Variants in ALPK1 observed in about 807,000 individuals in gnomAD.
ALPK1 encodes the protein alpha kinase 1.
A neutral mutation model predicts 120.6 loss-of-function variants in ALPK1; 110 were observed. That is an observed-to-expected ratio of 0.91 (90% CI 0.78 to 1.07). The LOEUF is 1.07. ALPK1 is among the 50% of genes least tolerant of loss of function. The pLI is 0.00. For missense variants in ALPK1, 1,498 were observed against 1,483.9 expected (o/e 1.01, Z -0.16); for synonymous variants, 582 against 560.3 (o/e 1.04, Z -0.55).
At chr4:112,408,477 T>C (rs1294054814) in intron 4 of ALPK1, among the ~76,000 whole-genome samples, 1 of 151,924 alleles carries the variant, frequency 6.6e-6, no homozygotes, top group Non-Finnish European at 1.5e-5. Flanking sequence ...GACTGACTTT[T>C]TTTTTTTTTT....
At chr4:112,397,566 G>T (rs1560669733) in intron 4 of ALPK1, among the ~76,000 whole-genome samples, 1 of 152,152 alleles carries the variant, frequency 6.6e-6, no homozygotes, top group East Asian at 1.9e-4. Context: ...CTTTAAAAGA[G>T]CTTAGGGGCC....
At chr4:112,309,386 T>A (rs1728290392) in intron 1 of ALPK1, among the ~76,000 whole-genome samples, 1 of 152,142 alleles carries the variant, frequency 6.6e-6, no homozygotes, top group Non-Finnish European at 1.5e-5. Context: ...TGAGCTACGG[T>A]GGGCTCCACC....
At chr4:112,324,036 G>T (rs1026776195) in intron 2 of ALPK1, among the ~76,000 whole-genome samples, 1 of 152,186 alleles carries the variant, frequency 6.6e-6, no homozygotes, top group Admixed American at 6.5e-5. Context: ...TTTATAAAAA[G>T]CCTGCTCTTG....
intron 4 of ALPK1, among the ~76,000 whole-genome samples, chr4:112,388,150 T>C (rs191161211): frequency 2.8e-4 from 42 of 152,394 alleles, no homozygotes; most frequent in East Asian, 1.5e-3. Context: ...TTTTTTCTAA[T>C]ATGTCTCTTT....
chr4:112,329,104 A>G (rs970384407), intron 2 of ALPK1, among the ~76,000 whole-genome samples: 1 of 152,188 alleles, frequency 6.6e-6, no homozygotes, highest in Admixed American at 6.5e-5. Context: ...ACTGGCATAT[A>G]GTAGGTACCT....
chr4:112,395,786 T>C (rs1442334921), intron 4 of ALPK1, among the ~76,000 whole-genome samples: 2 of 152,214 alleles, frequency 1.3e-5, no homozygotes, highest in African/African-American at 4.8e-5. Context: ...ACGGTCACAG[T>C]TGAAAAATTA....
At chr4:112,378,007 T>TCAGGC in intron 3 of ALPK1, 109 bp downstream of exon 3, 1 of 1,135,304 alleles carries the variant, frequency 8.8e-7, no homozygotes, top group Non-Finnish European at 1.1e-6. Context: ...TCTTGGCAGA[T>TCAGGC]GACCACCGAG....
chr4:112,309,367 A>C (rs1728288111), intron 1 of ALPK1, among the ~76,000 whole-genome samples: 1 of 152,204 alleles, frequency 6.6e-6, no homozygotes, highest in Admixed American at 6.5e-5. Context: ...AGAGGCAGGC[A>C]GGCCTCCTTG....
chr4:112,430,422 G>C, intron 10 of ALPK1, 26 bp from the exon 11 acceptor site: 1 of 1,538,036 alleles, frequency 6.5e-7, no homozygotes, highest in South Asian at 1.3e-5. Context: ...TTCAATATCT[G>C]ATTTGGTATT....
At chr4:112,412,400 C>T (rs924497993) in intron 5 of ALPK1, 33 of 467,102 alleles carry the variant, frequency 7.1e-5, no homozygotes, top group Admixed American at 5.8e-4. Context: ...TCTTCGCTCT[C>T]CTGTCTCCTT....
At chr4:112,335,846 A>G (rs1729595638) in intron 2 of ALPK1, among the ~76,000 whole-genome samples, 1 of 152,166 alleles carries the variant, frequency 6.6e-6, no homozygotes, top group Non-Finnish European at 1.5e-5. Context: ...TCACAGAGGG[A>G]TCACAGTTCA....
At chr4:112,345,013 C>T (rs1730044849) in intron 2 of ALPK1, among the ~76,000 whole-genome samples, 1 of 152,158 alleles carries the variant, frequency 6.6e-6, no homozygotes, top group Non-Finnish European at 1.5e-5. Context: ...TTCTTTCCCA[C>T]TGTTTAGAAT....
At chr4:112,413,657 G>T (rs1376865938) in intron 5 of ALPK1, among the ~76,000 whole-genome samples, 1 of 152,226 alleles carries the variant, frequency 6.6e-6, no homozygotes, top group African/African-American at 2.4e-5. Context: ...GACCTCAGGT[G>T]ATCCACCCAC....
chr4:112,373,913 T>G (rs1731532387), intron 2 of ALPK1, among the ~76,000 whole-genome samples: 1 of 152,240 alleles, frequency 6.6e-6, no homozygotes, highest in Non-Finnish European at 1.5e-5. Flanking sequence ...ATCTGAGCCT[T>G]CAGCAAGTCC....
Position 112,440,998 on chromosome 4 carries a change from C to T in ALPK1, c.3620C>T (p.Thr1207Ile). ...TCCGTTGATCAGAAAGTTTTCACTACCAATTTTGGAAAGAGAGGAATTTTT... is the reference window on the plus strand; with the variant it reads ...TCCGTTGATCAGAAAGTTTTCACTATCAATTTTGGAAAGAGAGGAATTTTT... ...IHSVDQKVFTTNFGKRGIFYF... is the reference protein window; with the variant it reads ...IHSVDQKVFTINFGKRGIFYF... The change falls in exon 15 of 16, where the codon ACC (threonine) becomes ATC (isoleucine). Residue 1207 changes from threonine to isoleucine, a missense_variant. By Grantham distance (89) the Thr-to-Ile change is moderately conservative. Coordinates refer to ENST00000650871, the MANE Select transcript of ALPK1 (RefSeq NM_025144.4). 1.9e-6 allele frequency: 3 copies of T among 1,613,974 alleles called. No homozygotes were observed. The highest frequency in any genetic ancestry group is 2.5e-6 in the Non-Finnish European group (3 of 1,179,910).
chr4:112,369,116 T>A (rs907890644), intron 2 of ALPK1, among the ~76,000 whole-genome samples: 1 of 152,258 alleles, frequency 6.6e-6, no homozygotes, highest in Non-Finnish European at 1.5e-5. Flanking sequence ...CAGCATTTTT[T>A]ATTGTTTTCA....
At chr4:112,393,572 A>C (rs551360846) in intron 4 of ALPK1, among the ~76,000 whole-genome samples, 1 of 152,306 alleles carries the variant, frequency 6.6e-6, no homozygotes, top group African/African-American at 2.4e-5. Context: ...AACATTGCTT[A>C]CCATTATAAT....
rs201331298 is a variant in ALPK1 at position 112,435,133 on chromosome 4, CT to C, written c.3035-6del. On this transcript the variant is annotated splice_polypyrimidine_tract_variant and intron_variant, in intron 11 of 15. Coordinates refer to ENST00000650871, the MANE Select transcript of ALPK1 (RefSeq NM_025144.4). ...TTTTGAAAATAAGATTCATTTTCATCTTTTTTTTTCCCAGGTGCTCTTTTGT... is the reference window on the plus strand; with the variant it reads ...TTTTGAAAATAAGATTCATTTTCATCTTTTTTTTCCCAGGTGCTCTTTTGT... The C allele has an allele frequency of 1.0e-4, 162 of 1,543,916 alleles. 1 individual carries two copies. In the East Asian group the frequency reaches 1.3e-3, roughly 13 times the overall value.
At chr4:112,440,782 G>T in intron 14 of ALPK1, 135 bp from the exon 15 acceptor site, 1 of 1,381,780 alleles carries the variant, frequency 7.2e-7, no homozygotes, top group Non-Finnish European at 9.3e-7. Context: ...ATAAACCACA[G>T]GATGGCCAAG....
Sources: allele counts gnomAD v4.1 joint callset (sites outside exome capture counted in the v4.1 genomes callset), GRCh38; gene constraint gnomAD v4.1.1; transcripts MANE v1.5; gene names NCBI Gene and HGNC (gene_info 2026-07-23, HGNC 2026-07-21).